The following ZFPM2 variants were observed in gnomAD, a reference collection of about 807,000 sequenced individuals.
The protein encoded by ZFPM2 is zinc finger protein ZFPM2.
ZFPM2 carries 20 observed loss-of-function variants against 98.6 expected under a neutral mutation model. The ratio of observed to expected loss-of-function variants is 0.20; its 90% CI spans 0.14 to 0.29. ZFPM2 has a LOEUF of 0.29. Ranked by LOEUF, ZFPM2 falls within the 10% of genes least tolerant of loss-of-function variation. The pLI is 1.00. For synonymous variants in ZFPM2, 518 were observed against 502.7 expected, an observed-to-expected ratio of 1.03 and a Z score of -0.41; for missense variants, 1,310 against 1,388.6, an observed-to-expected ratio of 0.94 and a Z score of 0.90.
intron 4 of ZFPM2, among the ~76,000 whole-genome samples, chr8:105,602,424 T>C (rs1386129363): frequency 5.3e-5 from 8 of 152,076 alleles, no homozygotes; most frequent in South Asian, 4.1e-4. Flanking sequence ...ATATTTAAAT[T>C]TGGTTAAATG....
intron 3 of ZFPM2, among the ~76,000 whole-genome samples, chr8:105,452,812 T>C (rs112138175): frequency 9.2e-5 from 14 of 152,196 alleles, no homozygotes; most frequent in African/African-American, 3.1e-4. Flanking sequence ...AAATTATGCA[T>C]TAAATATTTA....
At chr8:105,604,289 G>A (rs946189734) in intron 4 of ZFPM2, among the ~76,000 whole-genome samples, 47 of 151,864 alleles carry the variant, frequency 3.1e-4, no homozygotes, top group Middle Eastern at 6.8e-3. Flanking sequence ...TTCAAAATCC[G>A]ACCACTTCCC....
intron 5 of ZFPM2, among the ~76,000 whole-genome samples, chr8:105,706,207 G>T (rs1302197441): frequency 1.3e-5 from 2 of 152,060 alleles, no homozygotes; most frequent in Non-Finnish European, 2.9e-5. Context: ...GCTTTTAAAA[G>T]TTATGAAATA....
At chr8:105,329,760 G>A (rs984654458) in intron 1 of ZFPM2, among the ~76,000 whole-genome samples, 1 of 151,672 alleles carries the variant, frequency 6.6e-6, no homozygotes, top group African/African-American at 2.4e-5. Flanking sequence ...AGACATGTCA[G>A]AGTTTGGGGA....
chr8:105,763,060 CTT>C (rs1213643643), intron 5 of ZFPM2, among the ~76,000 whole-genome samples: 23 of 139,388 alleles, frequency 1.7e-4, no homozygotes, highest in Non-Finnish European at 2.2e-4. Flanking sequence ...TTATTTCTTT[CTT>C]TTTTTTTTTT....
chr8:105,790,495 A>G (rs560954325), intron 6 of ZFPM2, among the ~76,000 whole-genome samples: 3 of 152,102 alleles, frequency 2.0e-5, no homozygotes. Context: ...TGGTTACTGT[A>G]GCCTTGTAGT....
chr8:105,640,362 T>G (rs778286675), intron 5 of ZFPM2, among the ~76,000 whole-genome samples: 3 of 151,996 alleles, frequency 2.0e-5, no homozygotes, highest in Non-Finnish European at 4.4e-5. Context: ...AAAACAGCAG[T>G]GGCAGCAATA....
At chr8:105,714,259 C>T (rs1397584091) in intron 5 of ZFPM2, among the ~76,000 whole-genome samples, 1 of 151,968 alleles carries the variant, frequency 6.6e-6, no homozygotes, top group Admixed American at 6.6e-5. Flanking sequence ...TGATTTGGCT[C>T]TCAGCTTGAA....
chr8:105,466,973 GC>G (rs1812807433), intron 3 of ZFPM2, among the ~76,000 whole-genome samples: 3 of 151,982 alleles, frequency 2.0e-5, no homozygotes, highest in Admixed American at 1.3e-4. Context: ...TGGGCATTTT[GC>G]CTAATCGCCC....
At position 105,701,663 on chromosome 8, in the gene ZFPM2, C is replaced by T. The variant is rs966290073; in HGVS notation, c.532+67306C>T. On this transcript the variant is annotated intron_variant, in intron 5 of 7. Transcript: ENST00000407775. ...AGTGGTAGAAATATGCATAATTTAA[C>T]GTTACAAAATACATGCCTGGAAGTT... is the stretch of plus-strand genomic sequence containing the variant. Among the ~76,000 whole-genome samples, 48 of 152,230 alleles carry T rather than the reference C, an allele frequency of 3.2e-4. 1 individual carries two copies. The highest frequency in any genetic ancestry group is 1.1e-3 in the African/African-American group (46 of 41,556).
Position 105,803,117 on chromosome 8 carries a change from A to G in ZFPM2, c.3035A>G (p.Asn1012Ser), listed in dbSNP as rs201558304. ...TDIEQSRNAE[N>S]ESPKGQASSN... is the part of the protein sequence containing the mutation. ...ATCGAGCAAAGCAGAAATGCAGAAAATGAATCTCCTAAAGGCCAGGCTTCC... is the reference window on the plus strand; with the variant it reads ...ATCGAGCAAAGCAGAAATGCAGAAAGTGAATCTCCTAAAGGCCAGGCTTCC... The change falls in exon 8 of 8, where the codon AAT (asparagine) becomes AGT (serine). Residue 1012 changes from asparagine (N) to serine (S), a missense_variant. By Grantham distance (46) the Asn-to-Ser change is conservative. Coordinates refer to ENST00000407775, the MANE Select transcript of ZFPM2 (RefSeq NM_012082.4). 6.2e-7 allele frequency: 1 copy of G among 1,613,962 alleles called. No homozygotes were observed. Among genetic ancestry groups the G allele is most frequent in the Admixed American group, 1.7e-5 (1 of 60,008 alleles).
chr8:105,512,722 A>T (rs1259198778), intron 3 of ZFPM2, among the ~76,000 whole-genome samples: 1 of 152,144 alleles, frequency 6.6e-6, no homozygotes, highest in Non-Finnish European at 1.5e-5. Flanking sequence ...TCAGAGAAGG[A>T]TATTGTTTGT....
chr8:105,795,246 T>TTGTGTGTGTGTGTGTGTGTGTG (rs780534248), intron 6 of ZFPM2, among the ~76,000 whole-genome samples: 4 of 138,228 alleles, frequency 2.9e-5, no homozygotes, highest in East Asian at 4.3e-4. Flanking sequence ...CATTTTATCT[T>TTGTGTGTGTGTGTGTGTGTGTG]TGTGTGTGTG....
intron 5 of ZFPM2, among the ~76,000 whole-genome samples, chr8:105,752,231 A>G (rs541990929): frequency 6.6e-6 from 1 of 152,238 alleles, no homozygotes; most frequent in Admixed American, 6.5e-5. Context: ...AAAGAGACAT[A>G]TTGTTTGTAA....
intron 1 of ZFPM2, among the ~76,000 whole-genome samples, chr8:105,333,892 A>G (rs893309177): frequency 4.6e-5 from 7 of 151,764 alleles, no homozygotes; most frequent in African/African-American, 1.7e-4. Context: ...TTGAAAAAAT[A>G]TGCAAGAAAT....
chr8:105,795,066 C>T (rs1031610065), intron 6 of ZFPM2, among the ~76,000 whole-genome samples: 10 of 152,212 alleles, frequency 6.6e-5, no homozygotes, highest in African/African-American at 2.4e-4. Flanking sequence ...TGCTTCAGCT[C>T]ATGCACGGTG....
chr8:105,482,253 A>T (rs1813134662), intron 3 of ZFPM2, among the ~76,000 whole-genome samples: 1 of 152,258 alleles, frequency 6.6e-6, no homozygotes, highest in African/African-American at 2.4e-5. Flanking sequence ...CTCTATCCTT[A>T]ATAGTGATTT....
intron 5 of ZFPM2, among the ~76,000 whole-genome samples, chr8:105,644,998 A>G (rs780813569): frequency 3.3e-5 from 5 of 152,172 alleles, no homozygotes; most frequent in Non-Finnish European, 5.9e-5. Flanking sequence ...TTGATATTTG[A>G]TTATTGACCA....
chr8:105,722,941 T>C (rs1319129239), intron 5 of ZFPM2, among the ~76,000 whole-genome samples: 1 of 151,924 alleles, frequency 6.6e-6, no homozygotes, highest in East Asian at 1.9e-4. Flanking sequence ...GAGTCCATGT[T>C]GACAAGAAAC....
Sources: gnomAD v4.1 joint callset for allele counts (sites outside exome capture counted in the v4.1 genomes callset) on GRCh38, gnomAD v4.1.1 for gene constraint, MANE v1.5 for transcripts, NCBI Gene and HGNC (gene_info 2026-07-23, HGNC 2026-07-21) for gene names.